PCDH10: variants seen among roughly 807,000 people sequenced by gnomAD.
PCDH10 encodes protocadherin-10.
In PCDH10, 15 loss-of-function variants were observed where a neutral mutation model predicts 74.4. The ratio of observed to expected loss-of-function variants is 0.20; its 90% CI spans 0.13 to 0.31. The LOEUF (loss-of-function observed/expected upper bound fraction) is 0.31, where lower values mean the gene tolerates loss of function less well. Among genes scored for constraint, PCDH10 ranks in the 10% least tolerant of loss-of-function variants. The pLI is 1.00. For synonymous variants in PCDH10, 619 were observed against 589.8 expected (o/e 1.05, Z -0.72); for missense variants, 1,260 against 1,390.2 (o/e 0.91, Z 1.49).
intron 1 of PCDH10, chr4:133,153,100 A>G: frequency 7.5e-7 from 1 of 1,325,006 alleles, no homozygotes; most frequent in African/African-American, 1.5e-5. Context: ...AGGGAGAGGG[A>G]AATGTGGAGG....
intron 3 of PCDH10, among the ~76,000 whole-genome samples, chr4:133,157,258 G>A (rs1726886018): frequency 6.6e-6 from 1 of 152,144 alleles, no homozygotes; most frequent in Non-Finnish European, 1.5e-5. Context: ...TTTATTGTAA[G>A]AATAATTTTG....
intron 3 of PCDH10, among the ~76,000 whole-genome samples, chr4:133,160,952 A>G (rs543475629): frequency 2.6e-5 from 4 of 152,190 alleles, no homozygotes; most frequent in Middle Eastern, 6.8e-3. Context: ...ATGTCAAAGT[A>G]TCAATCTTCT....
At chr4:133,159,956 A>G (rs1467629989) in intron 3 of PCDH10, among the ~76,000 whole-genome samples, 3 of 151,980 alleles carry the variant, frequency 2.0e-5, no homozygotes, top group African/African-American at 2.4e-5. Flanking sequence ...TTAAAGTGCT[A>G]TATTTAATGG....
At chr4:133,195,925 T>C (rs1386859690), downstream of PCDH10, among the ~76,000 whole-genome samples, 3 of 152,102 alleles carry the variant, frequency 2.0e-5, no homozygotes, top group Admixed American at 6.6e-5. Context: ...ATATGATCTG[T>C]TTTTCAAATT....
Position 133,151,591 on chromosome 4 carries a change from C to G in PCDH10, c.1451C>G (p.Ala484Gly). The G allele has an allele frequency of 6.2e-7, 1 of 1,613,756 alleles. No individual in the cohort carries two copies. The highest frequency in any genetic ancestry group is 1.3e-5 in the African/African-American group (1 of 75,000). ...AACGTGCCTGGCGCCTACATCTACG[C>G]GGTGAGCGCCACCGACCGGGATGAG... ...ENNVPGAYIYAVSATDRDEGA... is the reference protein window; with the variant it reads ...ENNVPGAYIYGVSATDRDEGA... Residue 484 changes from alanine to glycine, a missense_variant, in exon 1 of 5, where the codon GCG becomes GGG. Transcript: ENST00000264360.
chr4:133,153,152 G>T, intron 1 of PCDH10: 1 of 1,180,808 alleles, frequency 8.5e-7, no homozygotes, highest in African/African-American at 1.6e-5. Context: ...TTTTTTCTTT[G>T]CGTCTGTCCC....
rs59706641 is a variant in PCDH10 at position 133,202,832 on chromosome 4, G to A, written n.438-5244G>A. On this transcript the variant is annotated intron_variant and non_coding_transcript_variant, in intron 2 of 2. Coordinates refer to the PCDH10 transcript ENST00000511112. Reference sequence around the variant, plus strand: ...ATAATGGTGGTCATTGATCCATAAAGTATATCAACATGTTCCCTCAGTTGT... The same window carrying A: ...ATAATGGTGGTCATTGATCCATAAAATATATCAACATGTTCCCTCAGTTGT... Among the ~76,000 whole-genome samples, 67 of 152,240 alleles carry A rather than the reference G, an allele frequency of 4.4e-4. 1 individual carries two copies. Among genetic ancestry groups the A allele is most frequent in the African/African-American group, 1.4e-3 (60 of 41,530 alleles).
rs1033633619 is a variant in PCDH10, at chr4:133,192,144, A to G, written c.*1984A>G. On this transcript the variant is annotated 3_prime_UTR_variant, in exon 5 of 5. Coordinates refer to ENST00000264360, the MANE Select transcript of PCDH10 (RefSeq NM_032961.3). ...CCAGCCTTTTGAAGTCTCTTTAAAC[A>G]TATATGAAGCTAACAGATCATATGT... The G allele has an allele frequency of 6.6e-6, 1 of 151,678 alleles. No homozygotes were observed. The highest frequency in any genetic ancestry group is 1.5e-5 in the Non-Finnish European group (1 of 67,652). 9.4% of individuals were successfully genotyped at this position (151,678 alleles called of 1,614,324 possible).
chr4:133,201,163 C>A (rs1386284791), intron 2 of PCDH10, among the ~76,000 whole-genome samples: 1 of 152,098 alleles, frequency 6.6e-6, no homozygotes, highest in Non-Finnish European at 1.5e-5. Context: ...ATCTGACTAA[C>A]CTGATTTTAC....
intron 4 of PCDH10, among the ~76,000 whole-genome samples, chr4:133,178,789 A>G (rs1336042400): frequency 6.6e-6 from 1 of 152,160 alleles, no homozygotes; most frequent in Non-Finnish European, 1.5e-5. Flanking sequence ...TCTCTCTATG[A>G]AAGAAGAAAC....
At chr4:133,166,693 G>A (rs1225551140) in intron 4 of PCDH10, among the ~76,000 whole-genome samples, 1 of 151,354 alleles carries the variant, frequency 6.6e-6, no homozygotes. Flanking sequence ...TAAGATTTTT[G>A]TCAGTAAATG....
intron 2 of PCDH10, among the ~76,000 whole-genome samples, chr4:133,205,496 G>A (rs191589174): frequency 1.3e-4 from 20 of 152,140 alleles, no homozygotes; most frequent in African/African-American, 4.6e-4. Flanking sequence ...GGAACTTGAC[G>A]GTCCATTTTC....
chr4:133,180,005 A>C (rs752977060), intron 4 of PCDH10, among the ~76,000 whole-genome samples: 1 of 152,046 alleles, frequency 6.6e-6, no homozygotes, highest in South Asian at 2.1e-4. Flanking sequence ...AACCATTTCC[A>C]GTCCTAAATA....
intron 3 of PCDH10, among the ~76,000 whole-genome samples, chr4:133,157,557 T>C (rs1243268777): frequency 2.6e-5 from 4 of 152,186 alleles, no homozygotes; most frequent in African/African-American, 7.2e-5. Context: ...AAATCTCACT[T>C]AACTAGGTTT....
chr4:133,188,665 G>GTTTTTTTTTTTTTTT (rs1167321577), intron 4 of PCDH10, among the ~76,000 whole-genome samples: 4 of 74,664 alleles, frequency 5.4e-5, no homozygotes, highest in African/African-American at 5.5e-5. Flanking sequence ...ACTGCTATGG[G>GTTTTTTTTTTTTTTT]TTTTTTTTTT....
intron 1 of PCDH10, 160 bp downstream of exon 1, chr4:133,152,931 C>T: frequency 6.9e-7 from 1 of 1,455,722 alleles, no homozygotes; most frequent in Non-Finnish European, 9.1e-7. Context: ...TCTCCCACTC[C>T]TTCGTGTGTA....
intron 4 of PCDH10, among the ~76,000 whole-genome samples, chr4:133,175,859 C>A (rs1727285932): frequency 6.6e-6 from 1 of 152,140 alleles, no homozygotes; most frequent in Admixed American, 6.6e-5. Flanking sequence ...CTTCTCCAAA[C>A]CTTATGCAAA....
intron 4 of PCDH10, among the ~76,000 whole-genome samples, chr4:133,181,984 T>C (rs1289882068): frequency 6.6e-6 from 1 of 152,140 alleles, no homozygotes; most frequent in Non-Finnish European, 1.5e-5. Flanking sequence ...AGTAGGTTAT[T>C]GATGGTTAAT....
At chr4:133,187,455 C>T (rs528911159) in intron 4 of PCDH10, among the ~76,000 whole-genome samples, 1 of 152,158 alleles carries the variant, frequency 6.6e-6, no homozygotes, top group East Asian at 1.9e-4. Flanking sequence ...AGGGATAACT[C>T]TTCATAAATG....
Sources: gnomAD v4.1 joint callset for allele counts (sites outside exome capture counted in the v4.1 genomes callset) on GRCh38, gnomAD v4.1.1 for gene constraint, MANE v1.5 for transcripts, NCBI Gene and HGNC (gene_info 2026-07-23, HGNC 2026-07-21) for gene names.